The following SIRT5 variants were observed in gnomAD, a reference collection of about 807,000 sequenced individuals.
The protein encoded by SIRT5 is sirtuin 5.
Under a neutral mutation model 40.0 loss-of-function variants are expected in SIRT5, and 26 were observed. The observed-to-expected ratio is 0.65, with a 90% CI of 0.48 to 0.90. The LOEUF is 0.90. Among genes scored for constraint, SIRT5 ranks in the 40% least tolerant of loss-of-function variants. The pLI is 0.00. For synonymous variants in SIRT5, 146 were observed against 149.1 expected, an observed-to-expected ratio of 0.98 and a Z score of 0.15; for missense variants, 401 against 402.4, an observed-to-expected ratio of 1.00 and a Z score of 0.03.
At chr6:13,574,365 C>A (rs2127591820), upstream of SIRT5, among the ~76,000 whole-genome samples, 1 of 152,064 alleles carries the variant, frequency 6.6e-6, no homozygotes, top group South Asian at 2.1e-4. Context: ...CGGGCTCCGG[C>A]TTCGAGGTCC....
chr6:13,575,580 C>T (rs1359823556), intron 1 of SIRT5, among the ~76,000 whole-genome samples: 1 of 151,608 alleles, frequency 6.6e-6, no homozygotes, highest in Non-Finnish European at 1.5e-5. Flanking sequence ...ATATTTATAG[C>T]GTACAGTGTA....
chr6:13,601,701 G>A (rs982307068), intron 9 of SIRT5, among the ~76,000 whole-genome samples: 1 of 151,990 alleles, frequency 6.6e-6, no homozygotes, highest in Non-Finnish European at 1.5e-5. Context: ...AAATACTGAT[G>A]CCTGGGTGCC....
At chr6:13,595,672 GA>G (rs1324214370) in intron 6 of SIRT5, 108 bp downstream of exon 6, 1 of 913,710 alleles carries the variant, frequency 1.1e-6, no homozygotes, top group African/African-American at 1.7e-5. Context: ...ATATTTATGA[GA>G]AATAAGACTA....
At chr6:13,597,746 A>G (rs1008564584) in intron 7 of SIRT5, among the ~76,000 whole-genome samples, 1 of 152,036 alleles carries the variant, frequency 6.6e-6, no homozygotes. Context: ...AGGTTTCGCC[A>G]TGTTGGCCAG....
chr6:13,606,703 A>G (rs1010343226), intron 9 of SIRT5, among the ~76,000 whole-genome samples: 1 of 152,160 alleles, frequency 6.6e-6, no homozygotes, highest in Non-Finnish European at 1.5e-5. Context: ...TTGTTTTAAG[A>G]CAGAGTCTTG....
chr6:13,590,948 GTGT>G (rs147330539), intron 4 of SIRT5, among the ~76,000 whole-genome samples: 19,401 of 151,544 alleles, frequency 0.13, 1,595 homozygotes, highest in East Asian at 0.24. Context: ...GTAGTTGTGT[GTGT>G]TTAGTTTGTG....
At chr6:13,606,984 CTTTT>C (rs74503844) in intron 9 of SIRT5, among the ~76,000 whole-genome samples, 1 of 135,866 alleles carries the variant, frequency 7.4e-6, no homozygotes, top group Non-Finnish European at 1.6e-5. Flanking sequence ...ACTTGGCCTG[CTTTT>C]TTTTTTTTTT....
In SIRT5 at chr6:13,599,102, G is replaced by A. The variant is rs199917917; in HGVS notation, c.688G>A (p.Ala230Thr). The A allele has an allele frequency of 9.3e-6, 15 of 1,614,044 alleles. No homozygotes were observed. The African/African-American group carries it at 1.9e-4, about 20-fold the overall frequency. Residue 230 changes from alanine (A) to threonine (T), a missense_variant, in exon 8 of 10, where the codon GCC (alanine) becomes ACC (threonine). Transcript: ENST00000606117. ...VVWFGENLDP[A>T]ILEEVDRELA... ...GTGGTTTGGAGAAAACCTGGATCCT[G>A]CCATTCTGGAGGAGGTTGACAGAGA...
At chr6:13,580,534 T>C (rs904018795) in intron 2 of SIRT5, among the ~76,000 whole-genome samples, 1 of 152,192 alleles carries the variant, frequency 6.6e-6, no homozygotes, top group African/African-American at 2.4e-5. Context: ...ATAAATGGTC[T>C]CAAAAACTAT....
intron 2 of SIRT5, among the ~76,000 whole-genome samples, chr6:13,580,595 CTCTT>C (rs1759213643): frequency 6.6e-6 from 1 of 152,116 alleles, no homozygotes; most frequent in African/African-American, 2.4e-5. Context: ...TTCTCTGTCT[CTCTT>C]TCCCTCTCCC....
At chr6:13,606,186 G>C (rs1763075997) in intron 9 of SIRT5, among the ~76,000 whole-genome samples, 1 of 152,212 alleles carries the variant, frequency 6.6e-6, no homozygotes, top group African/African-American at 2.4e-5. Context: ...CTTGAAGGAG[G>C]TGAAGGAGGC....
At chr6:13,600,275 A>T (rs1479563458) in intron 8 of SIRT5, among the ~76,000 whole-genome samples, 17 of 152,212 alleles carry the variant, frequency 1.1e-4, no homozygotes, top group Admixed American at 1.1e-3. Flanking sequence ...AGTGTTGAGT[A>T]TAGTGCCACT....
intron 7 of SIRT5, among the ~76,000 whole-genome samples, chr6:13,597,588 C>T (rs756042083): frequency 1.3e-5 from 2 of 151,814 alleles, no homozygotes; most frequent in Non-Finnish European, 2.9e-5. Flanking sequence ...CTCTGTCACC[C>T]AGGCTGGAGT....
chr6:13,582,477 C>G (rs1486268224), intron 2 of SIRT5, among the ~76,000 whole-genome samples: 1 of 151,994 alleles, frequency 6.6e-6, no homozygotes, highest in African/African-American at 2.4e-5. Context: ...AAGCTCTATA[C>G]TCATTATTTT....
At chr6:13,578,413 G>T (rs569453064) in intron 1 of SIRT5, among the ~76,000 whole-genome samples, 1 of 152,094 alleles carries the variant, frequency 6.6e-6, no homozygotes, top group African/African-American at 2.4e-5. Flanking sequence ...GAGGTCAGGA[G>T]ATCGAGACCA....
intron 2 of SIRT5, among the ~76,000 whole-genome samples, chr6:13,580,317 T>C (rs995751755): frequency 6.6e-6 from 1 of 152,228 alleles, no homozygotes; most frequent in Non-Finnish European, 1.5e-5. Context: ...GTAGGTGAGG[T>C]TTATCATATT....
At chr6:13,581,760 C>T (rs768624918) in intron 2 of SIRT5, among the ~76,000 whole-genome samples, 4 of 152,072 alleles carry the variant, frequency 2.6e-5, no homozygotes, top group South Asian at 2.1e-4. Context: ...CACAGAGCAC[C>T]GATATCAGAC....
chr6:13,608,988 A>C (rs973633493), intron 9 of SIRT5, among the ~76,000 whole-genome samples: 1 of 151,948 alleles, frequency 6.6e-6, no homozygotes, highest in East Asian at 1.9e-4. Context: ...CGACCAGCTA[A>C]TTTTTGTATT....
rs200324592 is a variant in SIRT5, at chr6:13,591,711, G to C, written c.292G>C (p.Val98Leu). The stretch of plus-strand genomic sequence containing the variant: ...GGCCTTTGCCCACAACCCGTCCCGG[G>C]TGTGGGAGTTCTACCACTACCGGCG... ...PLAFAHNPSR[V>L]WEFYHYRREV... is the part of the protein sequence containing the mutation. The change falls in exon 5 of 10, where the codon GTG (valine) becomes CTG (leucine). Residue 98 changes from valine (V) to leucine (L), a missense_variant. By Grantham distance (32) the Val-to-Leu change is conservative. Transcript: ENST00000606117. 3 of 1,608,320 alleles carry C rather than the reference G, an allele frequency of 1.9e-6. No homozygotes were observed. The highest frequency in any genetic ancestry group is 4.5e-5 in the East Asian group (2 of 44,690).
Sources: allele counts gnomAD v4.1 joint callset (sites outside exome capture counted in the v4.1 genomes callset), GRCh38; gene constraint gnomAD v4.1.1; transcripts MANE v1.5; gene names NCBI Gene and HGNC (gene_info 2026-07-23, HGNC 2026-07-21).